The following UBR3 variants were observed in gnomAD, a reference collection of about 807,000 sequenced individuals.
The protein encoded by UBR3 is ubiquitin protein ligase E3 component n-recognin 3.
UBR3 carries 85 observed loss-of-function variants against 243.2 expected under a neutral mutation model. The ratio of observed to expected loss-of-function variants is 0.35; its 90% CI spans 0.29 to 0.42. The LOEUF (loss-of-function observed/expected upper bound fraction) is 0.42, where lower values mean the gene tolerates loss of function less well. UBR3 is among the 10% of genes least tolerant of loss of function. The probability of loss-of-function intolerance (pLI) is 1.00; values close to 1 mark genes in which losing one functional copy is unlikely to be tolerated. For synonymous variants in UBR3, 748 were observed against 799.8 expected, an observed-to-expected ratio of 0.94 and a Z score of 1.09; for missense variants, 1,686 against 2,300.8, an observed-to-expected ratio of 0.73 and a Z score of 5.47.
At chr2:170,080,063 GATCTC>G (rs1311620580) in intron 37 of UBR3, 40 bp downstream of exon 37, 1 of 1,557,770 alleles carries the variant, frequency 6.4e-7, no homozygotes, top group African/African-American at 1.4e-5. Flanking sequence ...TGAAAACACA[GATCTC>G]ATATCACAAA....
In UBR3 at chr2:170,081,721, T is replaced by A. The variant is rs754652978; in HGVS notation, c.5550-5T>A. ...ATTAATACTTTTTTTTTCTTTTTGT[T>A]CTAGGCGAGGCAAACCTCTCTACAT... On this transcript the variant is annotated splice_polypyrimidine_tract_variant and splice_region_variant and intron_variant, in intron 38 of 38. Coordinates refer to ENST00000272793, the MANE Select transcript of UBR3 (RefSeq NM_172070.4). 1.9e-6 allele frequency: 3 copies of A among 1,581,294 alleles called. No individual in the cohort carries two copies. The highest frequency in any genetic ancestry group is 2.6e-6 in the Non-Finnish European group (3 of 1,166,364).
chr2:169,939,549 G>A (rs1362545616), intron 19 of UBR3, among the ~76,000 whole-genome samples: 3 of 151,538 alleles, frequency 2.0e-5, no homozygotes, highest in Admixed American at 6.6e-5. Flanking sequence ...TTACAGGTGT[G>A]AGCCATCGTG....
Position 170,029,352 on chromosome 2 carries a change from T to G in UBR3, c.4460T>G (p.Leu1487Arg). The change falls in exon 31 of 39, where the codon CTG becomes CGG. Residue 1487 changes from leucine to arginine, a missense_variant. Leu to Arg is a moderately radical substitution (Grantham distance 102). This residue lies in a region of UBR3 where 371 missense variants were observed against 422.5 expected (regional missense o/e 0.88). Coordinates refer to ENST00000272793, the MANE Select transcript of UBR3 (RefSeq NM_172070.4). The stretch of plus-strand genomic sequence containing the variant: ...TTTTCTTCAATTTTTTCAGATCAGC[T>G]GTTTCATGTATTAGCCTTGCACATG... ...TAGKRSCLNQ[L>R]FHVLALHMRL... The G allele has an allele frequency of 6.2e-7, 1 of 1,600,998 alleles. No individual in the cohort carries two copies. The highest frequency in any genetic ancestry group is 8.5e-7 in the Non-Finnish European group (1 of 1,175,322).
intron 30 of UBR3, among the ~76,000 whole-genome samples, chr2:170,021,497 G>C (rs2090391051): frequency 6.6e-6 from 1 of 152,030 alleles, no homozygotes; most frequent in Admixed American, 6.6e-5. Flanking sequence ...TTTTATAAGA[G>C]CACTAATCCC....
At chr2:169,869,718 T>A (rs2083378054) in intron 1 of UBR3, among the ~76,000 whole-genome samples, 1 of 152,198 alleles carries the variant, frequency 6.6e-6, no homozygotes, top group Non-Finnish European at 1.5e-5. Flanking sequence ...CACAAAATGG[T>A]TTCTCCAGTT....
chr2:170,078,944 T>C (rs1364961454), intron 36 of UBR3, among the ~76,000 whole-genome samples: 2 of 152,196 alleles, frequency 1.3e-5, no homozygotes, highest in Non-Finnish European at 2.9e-5. Context: ...ATTGCTTCCA[T>C]GGACACTTAA....
At chr2:169,898,703 CT>C (rs1166917127) in intron 8 of UBR3, among the ~76,000 whole-genome samples, 312 of 116,192 alleles carry the variant, frequency 2.7e-3, no homozygotes, top group Middle Eastern at 9.3e-3. Flanking sequence ...GAGTTTCACT[CT>C]TTTTTTTTTT....
chr2:169,992,944 A>C (rs1331786364), intron 25 of UBR3, among the ~76,000 whole-genome samples: 1 of 151,108 alleles, frequency 6.6e-6, no homozygotes, highest in East Asian at 2.0e-4. Flanking sequence ...TATTTTTATT[A>C]GAGATGGGGT....
intron 35 of UBR3, among the ~76,000 whole-genome samples, chr2:170,069,334 T>TTA (rs1332318294): frequency 2.6e-5 from 4 of 152,016 alleles, no homozygotes; most frequent in Non-Finnish European, 4.4e-5. Context: ...CAAGTAAAAA[T>TTA]TATATATATA....
At chr2:169,970,586 G>T (rs1266449165) in intron 24 of UBR3, among the ~76,000 whole-genome samples, 1 of 114,772 alleles carries the variant, frequency 8.7e-6, no homozygotes, top group Non-Finnish European at 1.9e-5. Context: ...TTGGTTTTTT[G>T]TTCTTGCAAT....
chr2:169,926,471 C>A (rs150706871), intron 14 of UBR3, among the ~76,000 whole-genome samples: 1,970 of 152,112 alleles, frequency 0.013, 22 homozygotes, highest in Middle Eastern at 0.037. Context: ...ACCTGTAAAT[C>A]CCAGCTACTC....
intron 3 of UBR3, among the ~76,000 whole-genome samples, chr2:169,876,531 TTATTGTATTGTATTG>T (rs71006049): frequency 3.7e-4 from 54 of 147,338 alleles, no homozygotes; most frequent in Non-Finnish European, 6.6e-4. Flanking sequence ...CTGCCTCTCT[TTATTGTATTGTATTG>T]TATTGTATTG....
In UBR3 at chr2:169,946,364, A is replaced by T; in HGVS notation, c.2882A>T (p.Asn961Ile). 1.3e-6 allele frequency: 2 copies of T among 1,503,732 alleles called. No individual in the cohort carries two copies. Among genetic ancestry groups the T allele is most frequent in the Non-Finnish European group, 1.8e-6 (2 of 1,121,378 alleles). The allele number at this position is 1,503,732 out of a possible 1,614,324, so 93.1% of individuals were successfully genotyped here. A position where few individuals can be genotyped will look rare whatever the true frequency, so the allele number is the denominator to read the frequency against. ...TATCTGATTGAATTAGGACTTGAAA[A>T]TTCTGCTGAAGAAGAATCAGATGAA... Reference protein sequence around the residue: ...VLYLIELGLENSAEEESDEEA... With the variant: ...VLYLIELGLEISAEEESDEEA... The change falls in exon 21 of 39, where the codon AAT becomes ATT. Residue 961 changes from asparagine (N) to isoleucine (I), a missense_variant. Around this residue, in one of 8 missense-constraint regions of UBR3, gnomAD observed 300 missense variants for 314.4 expected, o/e 0.95. Transcript: ENST00000272793.
At chr2:169,928,559 A>G (rs2085996061) in intron 17 of UBR3, among the ~76,000 whole-genome samples, 168 bp from the exon 18 acceptor site, 1 of 152,170 alleles carries the variant, frequency 6.6e-6, no homozygotes, top group South Asian at 2.1e-4. Flanking sequence ...ACAATTAAAA[A>G]CAGTTATTAT....
chr2:169,974,437 TC>T (rs2088326598), intron 24 of UBR3, among the ~76,000 whole-genome samples: 1 of 152,202 alleles, frequency 6.6e-6, no homozygotes, highest in Admixed American at 6.5e-5. Flanking sequence ...TTTCAGGTTT[TC>T]CAATTGGTTG....
intron 9 of UBR3, 95 bp downstream of exon 9, chr2:169,905,388 C>T (rs1057271358): frequency 2.6e-5 from 23 of 894,916 alleles, no homozygotes; most frequent in South Asian, 3.2e-5. Flanking sequence ...ACATCATTCA[C>T]GCTACACATG....
chr2:169,995,509 G>A (rs1404910287), intron 26 of UBR3, among the ~76,000 whole-genome samples: 1 of 152,150 alleles, frequency 6.6e-6, no homozygotes, highest in East Asian at 1.9e-4. Context: ...TTAACCTGTG[G>A]TTAAATTAGT....
chr2:170,028,285 T>C (rs540833959), intron 30 of UBR3, among the ~76,000 whole-genome samples: 11 of 151,866 alleles, frequency 7.2e-5, no homozygotes, highest in African/African-American at 2.4e-4. Context: ...TAAACACACA[T>C]GTACACCCCA....
chr2:170,058,666 C>G (rs1025339726), intron 33 of UBR3, among the ~76,000 whole-genome samples: 1 of 152,042 alleles, frequency 6.6e-6, no homozygotes, highest in African/African-American at 2.4e-5. Context: ...CAGGCACACA[C>G]CACCACACCT....
Sources: allele counts gnomAD v4.1 joint callset (sites outside exome capture counted in the v4.1 genomes callset), GRCh38; gene constraint gnomAD v4.1.1; regional missense constraint gnomAD v4.1.1; transcripts MANE v1.5; gene names NCBI Gene and HGNC (gene_info 2026-07-23, HGNC 2026-07-21).